The following PHKA1 variants were observed in gnomAD, a reference collection of about 807,000 sequenced individuals.
PHKA1 encodes the protein phosphorylase kinase regulatory subunit alpha 1, also known as phosphorylase b kinase regulatory subunit alpha, skeletal muscle isoform.
Under a neutral mutation model 110.2 loss-of-function variants are expected in PHKA1, and 60 were observed. The observed-to-expected ratio is 0.54, with a 90% CI of 0.44 to 0.68. The LOEUF is 0.68. Among genes scored for constraint, PHKA1 ranks in the 30% least tolerant of loss-of-function variants. PHKA1 has a pLI of 0.00. For synonymous variants in PHKA1, 316 were observed against 333.6 expected (o/e 0.95, Z 0.58); for missense variants, 801 against 942.5 (o/e 0.85, Z 1.97).
intron 25 of PHKA1, among the ~76,000 whole-genome samples, chrX:72,604,809 AAG>A (rs1263060086): frequency 1.1e-4 from 12 of 111,760 alleles, no homozygotes; most frequent in African/African-American, 3.3e-4. Context: ...GTTAATTTCA[AAG>A]AGAGTCTTGT....
chrX:72,643,537 G>A (rs1261332949), intron 14 of PHKA1, among the ~76,000 whole-genome samples: 2 of 111,835 alleles, frequency 1.8e-5, no homozygotes, highest in African/African-American at 6.5e-5. Context: ...GGAGGCTCCA[G>A]GGAAGAATCT....
chrX:72,709,280 A>G (rs1556333529), intron 2 of PHKA1, among the ~76,000 whole-genome samples: 1 of 110,063 alleles, frequency 9.1e-6, no homozygotes, highest in Non-Finnish European at 1.9e-5. Flanking sequence ...ATGCAAAGAG[A>G]TATCCCTATT....
chrX:72,626,919 C>G lies in PHKA1; in HGVS notation c.1793+52G>C, dbSNP rs2053081678. 3.2e-6 allele frequency: 3 copies of G among 945,889 alleles called. No homozygotes were observed. The African/African-American group carries it at 5.7e-5, about 18-fold the overall frequency. The allele number at this position is 945,889 out of a possible 1,213,427, so 78.0% of individuals were successfully genotyped here. A position where few individuals can be genotyped will look rare whatever the true frequency, so the allele number is the denominator to read the frequency against. On this transcript the variant is annotated intron_variant, in intron 17 of 31. Coordinates refer to ENST00000373542, the MANE Select transcript of PHKA1 (RefSeq NM_002637.4). ...ATCACAGGTATGCCACTACTATATCCAGCCCCTTAATTTCATTTCATTTCA... is the reference window on the plus strand; with the variant it reads ...ATCACAGGTATGCCACTACTATATCGAGCCCCTTAATTTCATTTCATTTCA...
chrX:72,654,274 C>T (rs1198392541), intron 10 of PHKA1, among the ~76,000 whole-genome samples: 1 of 111,504 alleles, frequency 9.0e-6, no homozygotes, highest in African/African-American at 3.3e-5. Flanking sequence ...TGAACTGTAC[C>T]TATTCACATC....
At chrX:72,710,017 G>C (rs1262340767) in intron 2 of PHKA1, among the ~76,000 whole-genome samples, 1 of 97,128 alleles carries the variant, frequency 1.0e-5, no homozygotes, top group Non-Finnish European at 2.0e-5. Flanking sequence ...ACTCCAACCT[G>C]GGCAATAGAG....
At chrX:72,609,785 T>C (rs2052780704) in intron 22 of PHKA1, 82 bp from the exon 23 acceptor site, 1 of 671,544 alleles carries the variant, frequency 1.5e-6, no homozygotes, top group African/African-American at 2.1e-5. Context: ...TGAAAAACCT[T>C]TGCTCCTCTT....
intron 23 of PHKA1, among the ~76,000 whole-genome samples, chrX:72,606,430 T>C (rs2052729580): frequency 9.0e-6 from 1 of 110,710 alleles, no homozygotes; most frequent in African/African-American, 3.3e-5. Flanking sequence ...CACAAAGCAC[T>C]CTGGGGCATG....
chrX:72,648,580 A>G (rs2053389533), intron 13 of PHKA1, among the ~76,000 whole-genome samples: 1 of 111,076 alleles, frequency 9.0e-6, no homozygotes, highest in Non-Finnish European at 1.9e-5. Flanking sequence ...TTTTTTCCCC[A>G]ATAGCTTTTT....
At chrX:72,585,096 T>A (rs1437567108) in intron 29 of PHKA1, among the ~76,000 whole-genome samples, 1 of 110,465 alleles carries the variant, frequency 9.1e-6, no homozygotes, top group Non-Finnish European at 1.9e-5. Context: ...ACAAGTAATT[T>A]CCAAAAATGT....
rs2052317379 is a variant in PHKA1, at chrX:72,580,222, C to CTGGTT, written c.*779_*780insAACCA. 1 of 112,064 alleles carries CTGGTT rather than the reference C, an allele frequency of 8.9e-6. No homozygotes were observed. The highest frequency in any genetic ancestry group is 1.9e-5 in the Non-Finnish European group (1 of 53,281). 9.2% of individuals were successfully genotyped at this position (112,064 alleles called of 1,213,427 possible). ...CGGGCTCCATTTCTGGGTTATTCTG[C>CTGGTT]ATTTTCTGCTGCAAATACAACTCTG... On this transcript the variant is annotated 3_prime_UTR_variant, in exon 32 of 32. Transcript: ENST00000373542.
intron 13 of PHKA1, among the ~76,000 whole-genome samples, chrX:72,647,483 C>A (rs1441663391): frequency 8.9e-6 from 1 of 111,900 alleles, no homozygotes; most frequent in East Asian, 2.8e-4. Context: ...GAAGCTGATA[C>A]AGATTCAGGA....
rs909768047 is a variant in PHKA1 at position 72,696,014 on chromosome X, C to T, written c.286-138G>A. 1.5e-4 allele frequency: 80 copies of T among 547,098 alleles called. No individual in the cohort carries two copies. The East Asian group carries it at 1.8e-3, about 13-fold the overall frequency. The allele number at this position is 547,098 out of a possible 1,213,427, so 45.1% of individuals were successfully genotyped here. A position where few individuals can be genotyped will look rare whatever the true frequency, so the allele number is the denominator to read the frequency against. The stretch of plus-strand genomic sequence containing the variant: ...GGCAATTGTGAATATTTAAAATACT[C>T]GTTACCTGTTTTTCCCTGCACTAAT... On this transcript the variant is annotated intron_variant, in intron 3 of 31. Coordinates refer to ENST00000373542, the MANE Select transcript of PHKA1 (RefSeq NM_002637.4).
intron 2 of PHKA1, chrX:72,712,481 T>G: frequency 2.8e-6 from 1 of 353,181 alleles, no homozygotes. Context: ...CAAGATAGAT[T>G]AACTTAGAGA....
chrX:72,666,372 C>T, intron 7 of PHKA1, 75 bp from the exon 8 acceptor site: 1 of 852,720 alleles, frequency 1.2e-6, no homozygotes, highest in East Asian at 3.2e-5. Flanking sequence ...TATCAACACA[C>T]ATGATATCAC....
Position 72,623,250 on chromosome X carries a change from A to G in PHKA1, c.1819T>C (p.Phe607Leu), listed in dbSNP as rs1260275808. The change falls in exon 18 of 32, where the codon TTT (phenylalanine) becomes CTT (leucine). Residue 607 changes from phenylalanine (F) to leucine (L), a missense_variant. By Grantham distance (22) the Phe-to-Leu change is conservative (BLOSUM62 0). Coordinates refer to ENST00000373542, the MANE Select transcript of PHKA1 (RefSeq NM_002637.4). ...ARVQTGKLSE[F>L]LTTSCCTHLS... is the part of the protein sequence containing the mutation. ...TGTGTGCAACAAGATGTTGTCAAAA[A>G]CTCTGACAATTTACCTGTTTGAACC... 3.3e-6 allele frequency: 4 copies of G among 1,207,905 alleles called. No homozygotes were observed. In the African/African-American group the frequency reaches 7.0e-5, roughly 21 times the overall value.
intron 8 of PHKA1, chrX:72,660,361 C>T (rs1312707520): frequency 4.5e-5 from 6 of 134,255 alleles, no homozygotes. Flanking sequence ...TATAGTTTTG[C>T]CTTTTCCAGA....
Position 72,581,041 on chromosome X carries a change from C to T in PHKA1, c.3633G>A (p.Val1211=), listed in dbSNP as rs782098132. 1 of 1,211,324 alleles carries T rather than the reference C, an allele frequency of 8.3e-7. No homozygotes were observed. Among genetic ancestry groups the T allele is most frequent in the South Asian group, 1.8e-5 (1 of 56,846 alleles). Residue 1211 remains valine, a synonymous_variant, in exon 32 of 32, where the codon GTG becomes GTA. Transcript: ENST00000373542. The part of the protein sequence containing the change: ...TYLSKAAATY[V]QEFLPHSICA... ...AGATGCTGTGGGGCAGGAACTCCTG[C>T]ACGTAGGTGGCGGCTGCCTTGGAGA...
chrX:72,600,939 CAT>C (rs782624267), intron 28 of PHKA1, among the ~76,000 whole-genome samples: 3 of 112,106 alleles, frequency 2.7e-5, no homozygotes, highest in Non-Finnish European at 5.6e-5. Flanking sequence ...TGCAAGCTAT[CAT>C]AATTCTATTC....
chrX:72,659,518 CACACACAG>C (rs56740196), intron 8 of PHKA1, among the ~76,000 whole-genome samples: 15,066 of 110,263 alleles, frequency 0.14, 2,687 homozygotes, highest in African/African-American at 0.48. Flanking sequence ...CTATATTAAA[CACACACAG>C]ACACACAGAC....
Sources: gnomAD v4.1 joint callset for allele counts (sites outside exome capture counted in the v4.1 genomes callset) on GRCh38, gnomAD v4.1.1 for gene constraint, MANE v1.5 for transcripts, NCBI Gene and HGNC (gene_info 2026-07-23, HGNC 2026-07-21) for gene names.